The following AGO3 variants were observed in gnomAD, a reference collection of about 807,000 sequenced individuals.
The protein encoded by AGO3 is protein argonaute-3.
A neutral mutation model predicts 105.5 loss-of-function variants in AGO3; 16 were observed. The ratio of observed to expected loss-of-function variants is 0.15; its 90% CI spans 0.10 to 0.23. The LOEUF is 0.23. Among genes scored for constraint, AGO3 ranks in the 10% least tolerant of loss-of-function variants. The probability of loss-of-function intolerance (pLI) is 1.00; values close to 1 mark genes in which losing one functional copy is unlikely to be tolerated. For synonymous variants in AGO3, 340 were observed against 367.3 expected, an observed-to-expected ratio of 0.93 and a Z score of 0.85; for missense variants, 534 against 1,088.0, an observed-to-expected ratio of 0.49 and a Z score of 7.16.
At chr1:36,047,714 C>T (rs1202725925) in intron 17 of AGO3, among the ~76,000 whole-genome samples, 4 of 151,978 alleles carry the variant, frequency 2.6e-5, no homozygotes, top group Middle Eastern at 3.4e-3. Context: ...TACCCCATCC[C>T]TACAAAAAAT....
chr1:36,035,376 G>C (rs949170234), intron 13 of AGO3, among the ~76,000 whole-genome samples: 2 of 152,018 alleles, frequency 1.3e-5, no homozygotes, highest in Admixed American at 1.3e-4. Flanking sequence ...ACTCCAGCCT[G>C]GGCAACACAG....
At position 36,013,523 on chromosome 1, in the gene AGO3, G is replaced by GA. The variant is rs1640725647; in HGVS notation, c.1150-103dup. Reference sequence around the variant, plus strand: ...AGAGCACCATTGATTAGACCTGTTGGAAAATATATTATGGACACAGTGAAG... The same window carrying GA: ...AGAGCACCATTGATTAGACCTGTTGGAAAAATATATTATGGACACAGTGAAG... On this transcript the variant is annotated intron_variant, in intron 9 of 18. Transcript: ENST00000373191. The GA allele has an allele frequency of 1.4e-5, 20 of 1,435,704 alleles. No homozygotes were observed. In the East Asian group the frequency reaches 4.6e-4, roughly 33 times the overall value. 88.9% of individuals were successfully genotyped at this position (1,435,704 alleles called of 1,614,324 possible).
intron 1 of AGO3, among the ~76,000 whole-genome samples, chr1:35,944,064 A>G (rs1410657170): frequency 6.6e-6 from 1 of 152,122 alleles, no homozygotes; most frequent in Non-Finnish European, 1.5e-5. Context: ...TAACTCTTCA[A>G]TCAGTTCTTT....
chr1:36,006,822 G>A (rs1029178667), intron 6 of AGO3, among the ~76,000 whole-genome samples: 5 of 152,124 alleles, frequency 3.3e-5, no homozygotes, highest in Admixed American at 6.5e-5. Flanking sequence ...GATGGATACC[G>A]TGTCCATTTA....
intron 5 of AGO3, among the ~76,000 whole-genome samples, chr1:35,999,191 A>G (rs908060959): frequency 1.8e-4 from 27 of 152,130 alleles, no homozygotes; most frequent in African/African-American, 6.5e-4. Flanking sequence ...GTCTCTACTA[A>G]AAATACAAAA....
chr1:35,937,408 C>G (rs977894417), intron 1 of AGO3, among the ~76,000 whole-genome samples: 5 of 151,166 alleles, frequency 3.3e-5, no homozygotes, highest in African/African-American at 1.2e-4. Flanking sequence ...AAAATTGTTT[C>G]CCAGCCGGAT....
rs773568690 is a variant in AGO3, at chr1:35,972,097, C to G, written c.386C>G (p.Ser129Cys). 1 of 1,614,084 alleles carries G rather than the reference C, an allele frequency of 6.2e-7. No individual in the cohort carries two copies. The highest frequency in any genetic ancestry group is 8.5e-7 in the Non-Finnish European group (1 of 1,180,022). Reference sequence around the variant, plus strand: ...TTCAAGGTGTCAATCAAATTTGTCTCTCGGGTGAGTTGGCACCTACTGCAT... The same window carrying G: ...TTCAAGGTGTCAATCAAATTTGTCTGTCGGGTGAGTTGGCACCTACTGCAT... ...RPFKVSIKFV[S>C]RVSWHLLHEV... The change falls in exon 4 of 19, where the codon TCT becomes TGT. Residue 129 changes from serine (S) to cysteine (C), a missense_variant. By Grantham distance (112) the Ser-to-Cys change is moderately radical. Transcript: ENST00000373191.
intron 5 of AGO3, among the ~76,000 whole-genome samples, chr1:36,003,141 A>G (rs1296802518): frequency 6.8e-6 from 1 of 146,706 alleles, no homozygotes; most frequent in Non-Finnish European, 1.5e-5. Flanking sequence ...GACAGTGGGC[A>G]TTTTTTTTTT....
rs571650272 is a variant in AGO3, at chr1:35,956,753, A to G, written c.192-10202A>G. Among the ~76,000 whole-genome samples the G allele has an allele frequency of 7.1e-4, 108 of 151,790 alleles. 2 individuals are homozygous for G. The South Asian group carries it at 0.021, about 30-fold the overall frequency. On this transcript the variant is annotated intron_variant, in intron 2 of 18. Coordinates refer to ENST00000373191, the MANE Select transcript of AGO3 (RefSeq NM_024852.4). ...AACCTCCGCCTTCCAGGGTCAAGCAATTCTGTCTCAGCCTCCTGAGTAGCT... is the reference window on the plus strand; with the variant it reads ...AACCTCCGCCTTCCAGGGTCAAGCAGTTCTGTCTCAGCCTCCTGAGTAGCT...
chr1:36,041,241 T>C (rs1642235505), intron 16 of AGO3, among the ~76,000 whole-genome samples: 1 of 135,610 alleles, frequency 7.4e-6, no homozygotes, highest in African/African-American at 2.8e-5. Flanking sequence ...TTTTCTTTTT[T>C]TTTTTTTTTT....
At chr1:35,985,156 G>A (rs939475920) in intron 5 of AGO3, among the ~76,000 whole-genome samples, 3 of 152,044 alleles carry the variant, frequency 2.0e-5, no homozygotes, top group Admixed American at 6.6e-5. Flanking sequence ...AGAGGTGTGT[G>A]ACTGTAGTCC....
At chr1:36,032,649 G>C (rs1191131428) in intron 12 of AGO3, among the ~76,000 whole-genome samples, 2 of 152,016 alleles carry the variant, frequency 1.3e-5, no homozygotes, top group Non-Finnish European at 2.9e-5. Flanking sequence ...CAAAGTGCTG[G>C]GATTACAGGT....
intron 13 of AGO3, among the ~76,000 whole-genome samples, chr1:36,035,161 A>G (rs910364439): frequency 2.0e-5 from 3 of 152,176 alleles, no homozygotes; most frequent in African/African-American, 7.2e-5. Flanking sequence ...CCTGTTAAAT[A>G]TGAGATGAGA....
At chr1:35,934,775 C>T (rs1179727888) in intron 1 of AGO3, among the ~76,000 whole-genome samples, 3 of 151,984 alleles carry the variant, frequency 2.0e-5, no homozygotes, top group African/African-American at 4.8e-5. Context: ...CTCAGCCTCC[C>T]GAGTAGATGG....
chr1:36,049,051 A>C (rs1204054620), intron 17 of AGO3, among the ~76,000 whole-genome samples: 1 of 152,212 alleles, frequency 6.6e-6, no homozygotes, highest in Non-Finnish European at 1.5e-5. Flanking sequence ...CCTTTACAGC[A>C]ACATAGATGG....
At chr1:35,964,286 C>T (rs1354015610) in intron 2 of AGO3, among the ~76,000 whole-genome samples, 1 of 152,038 alleles carries the variant, frequency 6.6e-6, no homozygotes, top group African/African-American at 2.4e-5. Context: ...TACCCTCTAC[C>T]CTCTGGTAGA....
At chr1:35,937,221 G>A (rs527357131) in intron 1 of AGO3, among the ~76,000 whole-genome samples, 3 of 152,110 alleles carry the variant, frequency 2.0e-5, no homozygotes, top group Non-Finnish European at 4.4e-5. Flanking sequence ...GACCAAAATG[G>A]TGAAACCTCG....
intron 5 of AGO3, 195 bp from the exon 6 acceptor site, chr1:36,004,146 A>G (rs558887130): frequency 2.2e-6 from 1 of 458,426 alleles, no homozygotes; most frequent in East Asian, 3.3e-5. Flanking sequence ...GATTATAAAA[A>G]CTGTAGTATT....
At chr1:36,032,693 A>T (rs1284067567) in intron 12 of AGO3, among the ~76,000 whole-genome samples, 1 of 149,450 alleles carries the variant, frequency 6.7e-6, no homozygotes, top group Non-Finnish European at 1.5e-5. Context: ...TATGTTTTTT[A>T]TATATAAGAA....
Sources: allele counts gnomAD v4.1 joint callset (sites outside exome capture counted in the v4.1 genomes callset), GRCh38; gene constraint gnomAD v4.1.1; transcripts MANE v1.5; gene names NCBI Gene and HGNC (gene_info 2026-07-23, HGNC 2026-07-21).